The following ACTB variants were observed in gnomAD, a reference collection of about 807,000 sequenced individuals.
ACTB encodes the protein actin beta.
ACTB carries 2 observed loss-of-function variants against 30.5 expected under a neutral mutation model. The observed-to-expected ratio is 0.07, with a 90% CI of 0.03 to 0.21. The LOEUF (loss-of-function observed/expected upper bound fraction) is 0.21, where lower values mean the gene tolerates loss of function less well. Among genes scored for constraint, ACTB ranks in the 10% least tolerant of loss-of-function variants. The probability of loss-of-function intolerance (pLI) is 1.00; values close to 1 mark genes in which losing one functional copy is unlikely to be tolerated. For missense variants in ACTB, 56 were observed against 530.0 expected (o/e 0.11, Z 8.78); for synonymous variants, 335 against 217.6 (o/e 1.54, Z -4.75).
rs779839358 is a variant in ACTB at position 5,529,564 on chromosome 7, G to A, written c.94C>T (p.Pro32Ser). 1.2e-6 allele frequency: 2 copies of A among 1,611,542 alleles called. No individual in the cohort carries two copies. Among genetic ancestry groups the A allele is most frequent in the African/African-American group, 1.3e-5 (1 of 74,904 alleles). ...TGCCTGGGGCGCCCCACGATGGAGG[G>A]GAAGACGGCCCGGGGGGCATCGTCG... ...AGDDAPRAVF[P>S]SIVGRPRHQG... Residue 32 changes from proline (P) to serine (S), a missense_variant, in exon 2 of 6, where the codon CCC becomes TCC. Pro to Ser is a moderately conservative substitution (Grantham distance 74, BLOSUM62 -1). Coordinates refer to ENST00000646664, the MANE Select transcript of ACTB (RefSeq NM_001101.5).
At position 5,527,444 on chromosome 7, in the gene ACTB, G is replaced by T; in HGVS notation, c.*304C>A. The T allele has an allele frequency of 2.1e-6, 1 of 482,734 alleles. No individual in the cohort carries two copies. The highest frequency in any genetic ancestry group is 3.7e-6 in the Non-Finnish European group (1 of 267,244). 29.9% of individuals were successfully genotyped at this position (482,734 alleles called of 1,614,324 possible). On this transcript the variant is annotated 3_prime_UTR_variant, in exon 6 of 6. Transcript: ENST00000646664. ...GGCCATTCTCCTTAGAGAGAAGTGG[G>T]GTGGCTTTTAGGATGGCAAGGGACT...
chr7:5,530,045 C>G (rs1784855185), intron 1 of ACTB: 1 of 155,298 alleles, frequency 6.4e-6, no homozygotes, highest in Admixed American at 6.5e-5. Flanking sequence ...TTCGCCCCAG[C>G]CCAGGCCGCG....
At chr7:5,527,958 C>T in intron 5 of ACTB, 46 bp downstream of exon 5, 8 of 1,613,072 alleles carry the variant, frequency 5.0e-6, no homozygotes, top group Non-Finnish European at 6.8e-6. Context: ...CCACAGGACC[C>T]CACAGCCGAC....
chr7:5,529,473 A>G, intron 2 of ACTB, 62 bp downstream of exon 2: 1 of 1,613,028 alleles, frequency 6.2e-7, no homozygotes, highest in Non-Finnish European at 8.5e-7. Flanking sequence ...GCTCCTGTGC[A>G]GAGAAAGCGC....
rs1584263384 is a variant in ACTB, at chr7:5,529,592, C to A, written c.66G>T (p.Ala22=). 6.2e-7 allele frequency: 1 copy of A among 1,611,484 alleles called. No individual in the cohort carries two copies. The highest frequency in any genetic ancestry group is 8.5e-7 in the Non-Finnish European group (1 of 1,179,642). Residue 22 remains alanine, a synonymous_variant, in exon 2 of 6, where the codon GCG becomes GCT. Transcript: ENST00000646664. ...AGACGGCCCGGGGGGCATCGTCGCC[C>A]GCGAAGCCGGCCTTGCACATGCCGG... ...NGSGMCKAGF[A]GDDAPRAVFP...
Position 5,527,311 on chromosome 7 carries a change from AAAAC to A in ACTB, c.*433_*436del. On this transcript the variant is annotated 3_prime_UTR_variant, in exon 6 of 6. Coordinates refer to ENST00000646664, the MANE Select transcript of ACTB (RefSeq NM_001101.5). ...GGCACGAAGGCTCATCATTCAAAAT[AAAAC>A]AAAATAAAAAAGTATTAAGGCGAAG... The A allele has an allele frequency of 3.9e-6, 1 of 255,128 alleles. No individual in the cohort carries two copies. The highest frequency in any genetic ancestry group is 7.8e-6 in the Non-Finnish European group (1 of 128,854). The allele number at this position is 255,128 out of a possible 1,614,324, so 15.8% of individuals were successfully genotyped here.
intron 4 of ACTB, 38 bp downstream of exon 4, chr7:5,528,243 C>T (rs374794805): frequency 1.9e-5 from 30 of 1,613,682 alleles, no homozygotes; most frequent in Non-Finnish European, 2.2e-5. Flanking sequence ...AGGGGTAACC[C>T]TCATGTCAGG....
At chr7:5,529,812 A>T (rs1331514843) in intron 1 of ACTB, 149 bp from the exon 2 acceptor site, 9 of 1,309,314 alleles carry the variant, frequency 6.9e-6, no homozygotes, top group Non-Finnish European at 9.7e-6. Context: ...TTACCATAAA[A>T]GGCAAACACT....
At chr7:5,528,846 T>C in intron 3 of ACTB, 127 bp from the exon 4 acceptor site, 1 of 1,422,134 alleles carries the variant, frequency 7.0e-7, no homozygotes, top group Non-Finnish European at 9.9e-7. Flanking sequence ...GGGGAGTCTG[T>C]TCAGACCTAC....
chr7:5,529,080 G>C (rs560194132), intron 3 of ACTB, 81 bp downstream of exon 3: 1 of 1,613,278 alleles, frequency 6.2e-7, no homozygotes, highest in African/African-American at 1.3e-5. Context: ...CGGCAGAAGA[G>C]AGAACCAGTG....
chr7:5,529,637 C>T lies in ACTB; in HGVS notation c.21G>A (p.Ala7=), dbSNP rs1484740926. Residue 7 remains alanine (A), a synonymous_variant, in exon 2 of 6, where the codon GCG becomes GCA. Transcript: ENST00000646664. The part of the protein sequence containing the change: MDDDIA[A]LVVDNGSGMC... ...TGCCGGAGCCGTTGTCGACGACGAG[C>T]GCGGCGATATCATCATCCATGGTGA... 6.2e-7 allele frequency: 1 copy of T among 1,611,248 alleles called. No individual in the cohort carries two copies. Among genetic ancestry groups the T allele is most frequent in the African/African-American group, 1.3e-5 (1 of 74,874 alleles).
intron 1 of ACTB, 89 bp from the exon 2 acceptor site, chr7:5,529,752 G>C (rs968771067): frequency 1.3e-6 from 2 of 1,584,078 alleles, no homozygotes; most frequent in Non-Finnish European, 1.7e-6. Context: ...GCCAGGGGGC[G>C]CCGGCGCGCG....
chr7:5,529,686 T>G (rs759183363), intron 1 of ACTB, 23 bp from the exon 2 acceptor site: 1 of 1,610,970 alleles, frequency 6.2e-7, no homozygotes, highest in South Asian at 1.1e-5. Context: ...CCGGGCGCGC[T>G]GTGAGCCGAG....
intron 1 of ACTB, 45 bp downstream of exon 1, chr7:5,530,479 G>A: frequency 1.6e-5 from 1 of 64,188 alleles, no homozygotes; most frequent in Admixed American, 1.5e-4. Flanking sequence ...GGCCGCCTGC[G>A]GCCGGGCCGT....
At chr7:5,529,904 G>A (rs999013216) in intron 1 of ACTB, 4 of 572,350 alleles carry the variant, frequency 7.0e-6, no homozygotes, top group South Asian at 1.8e-5. Flanking sequence ...GCCTCCGCCC[G>A]GTTCAAACAG....
intron 3 of ACTB, 153 bp from the exon 4 acceptor site, chr7:5,528,872 T>C (rs907506173): frequency 4.3e-6 from 6 of 1,390,914 alleles, no homozygotes; most frequent in African/African-American, 4.3e-5. Flanking sequence ...ACCTACTTAA[T>C]ACACACTCCA....
At chr7:5,529,772 G>C (rs1020227838) in intron 1 of ACTB, 109 bp from the exon 2 acceptor site, 6 of 1,551,584 alleles carry the variant, frequency 3.9e-6, no homozygotes, top group South Asian at 2.3e-5. Flanking sequence ...GCCCAGATTG[G>C]GGACAAAGGA....
At position 5,528,274 on chromosome 7, in the gene ACTB, C is replaced by A. The variant is rs1227591975; in HGVS notation, c.802+7G>T. The A allele has an allele frequency of 6.2e-7, 1 of 1,613,200 alleles. No individual in the cohort carries two copies. The highest frequency in any genetic ancestry group is 1.7e-5 in the Admixed American group (1 of 60,012). ...TCAGGCAGAGCCGGGAGACAGTCTC[C>A]ACTCACCCAGGAAGGAAGGCTGGAA... On this transcript the variant is annotated splice_region_variant and intron_variant, in intron 4 of 5. Transcript: ENST00000646664.
At chr7:5,529,056 A>C in intron 3 of ACTB, 105 bp downstream of exon 3, 1 of 1,613,136 alleles carries the variant, frequency 6.2e-7, no homozygotes, top group Non-Finnish European at 8.5e-7. Flanking sequence ...CAGAGAAGAG[A>C]GTCCTACGGA....
Sources: allele counts gnomAD v4.1 joint callset, GRCh38; gene constraint gnomAD v4.1.1; transcripts MANE v1.5; gene names NCBI Gene and HGNC (gene_info 2026-07-23, HGNC 2026-07-21).